Variants in UBE2E2 observed in about 807,000 individuals in gnomAD.
UBE2E2 encodes ubiquitin conjugating enzyme E2 E2, also known as ubiquitin-conjugating enzyme E2 E2.
UBE2E2 carries 6 observed loss-of-function variants against 24.7 expected under a neutral mutation model. The observed-to-expected ratio is 0.24, with a 90% CI of 0.13 to 0.48. UBE2E2 has a LOEUF of 0.48. UBE2E2 is among the 20% of genes least tolerant of loss of function. UBE2E2 has a pLI of 0.99. For missense variants in UBE2E2, 169 were observed against 245.0 expected, an observed-to-expected ratio of 0.69 and a Z score of 2.07; for synonymous variants, 104 against 83.6, an observed-to-expected ratio of 1.24 and a Z score of -1.33.
At chr3:23,556,891 G>A (rs946162567) in intron 5 of UBE2E2, among the ~76,000 whole-genome samples, 7 of 152,206 alleles carry the variant, frequency 4.6e-5, no homozygotes, top group African/African-American at 9.6e-5. Context: ...TTACCTATCC[G>A]TAATGTACAG....
In UBE2E2 at chr3:23,257,512, G is replaced by GCCCC. The variant is rs5847227; in HGVS notation, c.227+40213_227+40216dup. On this transcript the variant is annotated intron_variant, in intron 3 of 5. Transcript: ENST00000396703. The stretch of plus-strand genomic sequence containing the variant: ...GGAATTTCTTCTGGCTGTTTCCCGT[G>GCCCC]CCCCCCCCCCCCCCCCACTTTTTTT... Among the ~76,000 whole-genome samples the GCCCC allele has an allele frequency of 1.1e-3, 34 of 31,138 alleles. 2 individuals carry two copies. The highest frequency in any genetic ancestry group is 2.4e-3 in the Admixed American group (3 of 1,258). The allele number at this position is 31,138 out of a possible 152,430, so 20.4% of individuals were successfully genotyped here. A position where few individuals can be genotyped will look rare whatever the true frequency, so the allele number is the denominator to read the frequency against.
chr3:23,575,433 G>C (rs935309494), intron 5 of UBE2E2, among the ~76,000 whole-genome samples: 3 of 152,106 alleles, frequency 2.0e-5, no homozygotes, highest in African/African-American at 7.2e-5. Flanking sequence ...CCAAAGCTTA[G>C]TTATAGTGTG....
intron 3 of UBE2E2, among the ~76,000 whole-genome samples, chr3:23,433,947 A>G (rs1698123936): frequency 6.6e-6 from 1 of 152,088 alleles, no homozygotes; most frequent in South Asian, 2.1e-4. Context: ...ATTTACATTT[A>G]AAATAAATCC....
rs151024963 is a variant in UBE2E2, at chr3:23,208,565, G to T, written c.-8-127G>T. On this transcript the variant is annotated intron_variant, in intron 1 of 5. Coordinates refer to ENST00000396703, the MANE Select transcript of UBE2E2 (RefSeq NM_152653.4). ...GCAACTCCCAAAGCTGCATTGTTTT[G>T]TAAATGACCAATTTAATCCATTTTA... 2.2e-3 allele frequency: 1,538 copies of T among 694,972 alleles called. 20 individuals carry two copies. The African/African-American group carries it at 0.024, about 11-fold the overall frequency. 43.1% of individuals were successfully genotyped at this position (694,972 alleles called of 1,614,324 possible).
intron 3 of UBE2E2, among the ~76,000 whole-genome samples, chr3:23,218,702 T>G (rs1306190080): frequency 6.6e-6 from 1 of 152,124 alleles, no homozygotes; most frequent in Non-Finnish European, 1.5e-5. Context: ...CAACTTTGTT[T>G]TAATAAGTTT....
At chr3:23,467,907 G>A (rs534640004) in intron 3 of UBE2E2, among the ~76,000 whole-genome samples, 1 of 152,242 alleles carries the variant, frequency 6.6e-6, no homozygotes, top group South Asian at 2.1e-4. Context: ...ACAGTGAAGT[G>A]GGAGGTGCTA....
intron 3 of UBE2E2, among the ~76,000 whole-genome samples, chr3:23,330,932 A>T (rs966102167): frequency 1.3e-5 from 2 of 152,200 alleles, no homozygotes; most frequent in South Asian, 4.1e-4. Flanking sequence ...ATCTTTTATG[A>T]TTCTGTAATA....
At chr3:23,333,422 T>C (rs541446924) in intron 3 of UBE2E2, among the ~76,000 whole-genome samples, 1 of 152,300 alleles carries the variant, frequency 6.6e-6, no homozygotes, top group Non-Finnish European at 1.5e-5. Flanking sequence ...AAAAGACATT[T>C]TGATGTTTCA....
chr3:23,256,358 A>T (rs1478599249), intron 3 of UBE2E2, among the ~76,000 whole-genome samples: 2 of 152,194 alleles, frequency 1.3e-5, no homozygotes, highest in Non-Finnish European at 2.9e-5. Context: ...ATATTTGAAT[A>T]CTTGGGAATT....
chr3:23,228,739 A>G (rs754565294), intron 3 of UBE2E2, among the ~76,000 whole-genome samples: 40 of 152,160 alleles, frequency 2.6e-4, no homozygotes, highest in African/African-American at 9.2e-4. Context: ...ACCTAATGAG[A>G]TGCCTTTAAG....
rs921502962 is a variant in UBE2E2, at chr3:23,576,541, A to G, written c.509-13193A>G. 2.0e-5 allele frequency among the ~76,000 whole-genome samples: 3 copies of G among 152,350 alleles called. No homozygotes were observed. The South Asian group carries it at 6.2e-4, about 32-fold the overall frequency. On this transcript the variant is annotated intron_variant, in intron 5 of 5. Transcript: ENST00000396703. ...CTAGTAATCCTTGAGTAGAGACAGG[A>G]CAAACATCTATGATGCAATCTATTT...
At chr3:23,250,076 T>C (rs767948729) in intron 3 of UBE2E2, among the ~76,000 whole-genome samples, 2 of 152,234 alleles carry the variant, frequency 1.3e-5, no homozygotes, top group Non-Finnish European at 2.9e-5. Flanking sequence ...GGTAGATAGA[T>C]GCTGTTCTGG....
intron 3 of UBE2E2, among the ~76,000 whole-genome samples, chr3:23,394,366 G>A (rs963356211): frequency 2.0e-5 from 3 of 152,146 alleles, no homozygotes; most frequent in African/African-American, 7.2e-5. Context: ...TGTGTAAATG[G>A]TCTGCTGAGG....
chr3:23,459,829 T>A (rs1698769773), intron 3 of UBE2E2, among the ~76,000 whole-genome samples: 1 of 152,224 alleles, frequency 6.6e-6, no homozygotes, highest in South Asian at 2.1e-4. Flanking sequence ...AGCCCCCTTT[T>A]CTTAGCATAC....
intron 3 of UBE2E2, among the ~76,000 whole-genome samples, chr3:23,489,065 G>A (rs1364604246): frequency 6.6e-6 from 1 of 152,150 alleles, no homozygotes; most frequent in Non-Finnish European, 1.5e-5. Context: ...ATTGGCAGAT[G>A]TAGTGACAGG....
intron 3 of UBE2E2, among the ~76,000 whole-genome samples, chr3:23,494,170 A>G (rs1460614785): frequency 2.6e-5 from 4 of 152,206 alleles, no homozygotes. Flanking sequence ...AGCTTGAGAG[A>G]TAAGTGATCA....
intron 3 of UBE2E2, among the ~76,000 whole-genome samples, chr3:23,447,329 C>T (rs1698455995): frequency 6.6e-6 from 1 of 152,206 alleles, no homozygotes; most frequent in African/African-American, 2.4e-5. Context: ...TTTGTCCCAA[C>T]ATCAGGAGCC....
chr3:23,535,051 A>G (rs1418491960), intron 5 of UBE2E2, among the ~76,000 whole-genome samples: 1 of 152,204 alleles, frequency 6.6e-6, no homozygotes, highest in Non-Finnish European at 1.5e-5. Context: ...TCTTTAGGGT[A>G]TGACTACCCA....
intron 3 of UBE2E2, among the ~76,000 whole-genome samples, chr3:23,355,200 A>AG (rs1325327287): frequency 1.1e-4 from 14 of 125,542 alleles, no homozygotes; most frequent in Non-Finnish European, 2.2e-4. Context: ...GGACACAGGA[A>AG]GGGGAACCTC....
Sources: gnomAD v4.1 joint callset for allele counts (sites outside exome capture counted in the v4.1 genomes callset) on GRCh38, gnomAD v4.1.1 for gene constraint, MANE v1.5 for transcripts, NCBI Gene and HGNC (gene_info 2026-07-23, HGNC 2026-07-21) for gene names.